The following KIAA0825 variants were observed in gnomAD, a reference collection of about 807,000 sequenced individuals.
KIAA0825 encodes the protein KIAA0825.
A neutral mutation model predicts 147.6 loss-of-function variants in KIAA0825; 119 were observed. The observed-to-expected ratio is 0.81, with a 90% CI of 0.69 to 0.94. The LOEUF is 0.94. Among genes scored for constraint, KIAA0825 ranks in the 40% least tolerant of loss-of-function variants. The pLI, the probability that KIAA0825 is intolerant of heterozygous loss-of-function variation, is 0.00. For missense variants in KIAA0825, 1,381 were observed against 1,472.7 expected, an observed-to-expected ratio of 0.94 and a Z score of 1.02; for synonymous variants, 470 against 518.1, an observed-to-expected ratio of 0.91 and a Z score of 1.26.
intron 20 of KIAA0825, among the ~76,000 whole-genome samples, chr5:94,292,158 GT>G: frequency 6.6e-6 from 1 of 152,266 alleles, no homozygotes; most frequent in East Asian, 1.9e-4. Flanking sequence ...AACAGGAGTG[GT>G]GAGAGAGGGC....
chr5:94,464,775 A>G lies in KIAA0825; in HGVS notation c.2063+94T>C, dbSNP rs750681462. Reference sequence around the variant, plus strand: ...TTCAGATGTTAGAAACATGTTAAATATATAAGGAGTATGTCATGAGATTCA... The same window carrying G: ...TTCAGATGTTAGAAACATGTTAAATGTATAAGGAGTATGTCATGAGATTCA... On this transcript the variant is annotated intron_variant, in intron 11 of 20. Transcript: ENST00000682413. 1.3e-4 allele frequency: 132 copies of G among 1,004,370 alleles called. 1 individual carries two copies. The highest frequency in any genetic ancestry group is 1.7e-4 in the Non-Finnish European group (121 of 698,654). 62.2% of individuals were successfully genotyped at this position (1,004,370 alleles called of 1,614,324 possible). A position where few individuals can be genotyped will look rare whatever the true frequency, so the allele number is the denominator to read the frequency against.
At chr5:94,274,784 C>T (rs1236983637) in intron 20 of KIAA0825, among the ~76,000 whole-genome samples, 2 of 152,132 alleles carry the variant, frequency 1.3e-5, no homozygotes, top group African/African-American at 4.8e-5. Flanking sequence ...AGACAATTCT[C>T]CCCTTGCAGA....
intron 20 of KIAA0825, among the ~76,000 whole-genome samples, chr5:94,351,613 A>G (rs933436975): frequency 6.6e-6 from 1 of 152,186 alleles, no homozygotes; most frequent in Non-Finnish European, 1.5e-5. Context: ...TGGAACCCTA[A>G]AAGAGCCTGC....
chr5:94,588,722 T>C (rs1783787565), intron 1 of KIAA0825, among the ~76,000 whole-genome samples: 1 of 152,192 alleles, frequency 6.6e-6, no homozygotes, highest in African/African-American at 2.4e-5. Flanking sequence ...CATGGTACTA[T>C]AGAGACACAT....
chr5:94,375,936 A>G (rs1040978131), intron 20 of KIAA0825, among the ~76,000 whole-genome samples: 1 of 152,224 alleles, frequency 6.6e-6, no homozygotes, highest in Non-Finnish European at 1.5e-5. Flanking sequence ...ATGTTGAATG[A>G]GGAAAGTAAG....
At chr5:94,515,929 G>C (rs146445159) in intron 5 of KIAA0825, among the ~76,000 whole-genome samples, 1 of 152,080 alleles carries the variant, frequency 6.6e-6, no homozygotes, top group East Asian at 1.9e-4. Flanking sequence ...TTCTATAAAA[G>C]ATTGTTAAAT....
intron 20 of KIAA0825, among the ~76,000 whole-genome samples, chr5:94,315,284 T>A (rs935419683): frequency 3.3e-5 from 5 of 151,700 alleles, no homozygotes; most frequent in African/African-American, 7.3e-5. Flanking sequence ...GGATTTCAAA[T>A]TAAAATGGAT....
At chr5:94,426,020 G>GTATTATTATTATTATTAT (rs148552259) in intron 14 of KIAA0825, among the ~76,000 whole-genome samples, 5 of 147,882 alleles carry the variant, frequency 3.4e-5, no homozygotes, top group East Asian at 2.0e-4. Context: ...GATAATTTTT[G>GTATTATTATTATTATTAT]TATTATTATT....
chr5:94,256,247 TCAA>T (rs1562337252), intron 20 of KIAA0825, among the ~76,000 whole-genome samples: 1 of 152,136 alleles, frequency 6.6e-6, no homozygotes, highest in East Asian at 1.9e-4. Context: ...AGATGGACCA[TCAA>T]CAAGTTTTTC....
At chr5:94,260,803 G>C (rs906278290) in intron 20 of KIAA0825, among the ~76,000 whole-genome samples, 1 of 152,108 alleles carries the variant, frequency 6.6e-6, no homozygotes, top group South Asian at 2.1e-4. Flanking sequence ...AAAGTAACAG[G>C]AGTTGCAAGT....
At chr5:94,494,047 G>A (rs375821727) in intron 5 of KIAA0825, among the ~76,000 whole-genome samples, 262 of 152,254 alleles carry the variant, frequency 1.7e-3, no homozygotes, top group African/African-American at 5.8e-3. Context: ...TAAAAAGGGT[G>A]AAGATAGAGT....
intron 20 of KIAA0825, among the ~76,000 whole-genome samples, chr5:94,235,175 G>A (rs948992622): frequency 2.0e-5 from 3 of 152,196 alleles, no homozygotes; most frequent in South Asian, 2.1e-4. Context: ...AGCCAAGACA[G>A]GCCAAAAGCC....
At chr5:94,466,720 G>C (rs1404592313) in intron 10 of KIAA0825, among the ~76,000 whole-genome samples, 1 of 124,036 alleles carries the variant, frequency 8.1e-6, no homozygotes, top group East Asian at 2.4e-4. Flanking sequence ...CTGGGTGACA[G>C]AGCGAGACTG....
intron 17 of KIAA0825, among the ~76,000 whole-genome samples, chr5:94,395,075 G>A (rs1193904001): frequency 6.6e-6 from 1 of 152,156 alleles, no homozygotes; most frequent in African/African-American, 2.4e-5. Context: ...CAAGCTTGAT[G>A]CTAAGAACTC....
chr5:94,396,167 A>G lies in KIAA0825; in HGVS notation c.3230T>C (p.Ile1077Thr), dbSNP rs1386751196. ...AATCCAGTTGGGCTTCTGCTGCTCA[A>G]TGCTCTGTATGACCTTTTGGATCAT... is the stretch of plus-strand genomic sequence containing the variant. Reference protein sequence around the residue: ...NQMIQKVIQSIEQQKPNWIER... With the variant: ...NQMIQKVIQSTEQQKPNWIER... The change falls in exon 17 of 21, where the codon ATT becomes ACT. Residue 1077 changes from isoleucine (I) to threonine (T), a missense_variant. Physicochemically the swap from Ile to Thr is moderately conservative, Grantham distance 89. Transcript: ENST00000682413. 2.6e-6 allele frequency: 4 copies of G among 1,545,470 alleles called. No individual in the cohort carries two copies. Among genetic ancestry groups the G allele is most frequent in the African/African-American group, 2.7e-5 (2 of 72,762 alleles).
chr5:94,528,494 A>T (rs1334326957), intron 3 of KIAA0825, among the ~76,000 whole-genome samples: 2 of 152,190 alleles, frequency 1.3e-5, no homozygotes, highest in African/African-American at 4.8e-5. Flanking sequence ...AGTGCTTTCA[A>T]AAGAGTCAAC....
chr5:94,471,942 C>G (rs1240312035), intron 8 of KIAA0825, among the ~76,000 whole-genome samples: 2 of 152,140 alleles, frequency 1.3e-5, no homozygotes, highest in Non-Finnish European at 2.9e-5. Flanking sequence ...CTCTATATAA[C>G]TTTCAAACCT....
chr5:94,455,610 AG>A (rs1759007107), intron 12 of KIAA0825, among the ~76,000 whole-genome samples: 2 of 152,344 alleles, frequency 1.3e-5, no homozygotes, highest in African/African-American at 4.8e-5. Flanking sequence ...CATTAGTAGG[AG>A]GTAAATGCAA....
In KIAA0825 at chr5:94,391,650, TCTC is replaced by T. The variant is rs1749910707; in HGVS notation, c.3338_3340del (p.Gly1113del). On this transcript the variant is annotated inframe_deletion, in exon 18 of 21. Coordinates refer to ENST00000682413, the MANE Select transcript of KIAA0825 (RefSeq NM_001145678.3). ...CTGCTCAGTCAGTTCAAGAGCAACA[TCTC>T]CTTCTTGTAAGGCCGTGCTTTTCTC... is the stretch of plus-strand genomic sequence containing the variant. 6.4e-7 allele frequency: 1 copy of T among 1,550,912 alleles called. No homozygotes were observed. The highest frequency in any genetic ancestry group is 8.7e-7 in the Non-Finnish European group (1 of 1,146,574).
Sources: gnomAD v4.1 joint callset for allele counts (sites outside exome capture counted in the v4.1 genomes callset) on GRCh38, gnomAD v4.1.1 for gene constraint, MANE v1.5 for transcripts, NCBI Gene and HGNC (gene_info 2026-07-23, HGNC 2026-07-21) for gene names.